Variants in PLCB1 observed in about 807,000 individuals in gnomAD.
PLCB1 encodes phospholipase C beta 1, also known as 1-phosphatidylinositol 4,5-bisphosphate phosphodiesterase beta-1.
Under a neutral mutation model 161.8 loss-of-function variants are expected in PLCB1, and 46 were observed. The ratio of observed to expected loss-of-function variants is 0.28; its 90% CI spans 0.22 to 0.36. PLCB1 has a LOEUF of 0.36. Among genes scored for constraint, PLCB1 ranks in the 10% least tolerant of loss-of-function variants. PLCB1 has a pLI of 1.00. For synonymous variants in PLCB1, 517 were observed against 503.7 expected, an observed-to-expected ratio of 1.03 and a Z score of -0.35; for missense variants, 1,016 against 1,472.5, an observed-to-expected ratio of 0.69 and a Z score of 5.07.
At position 8,884,579 on chromosome 20, in the gene PLCB1, C is replaced by T. The variant is rs1988107804; in HGVS notation, c.*2730C>T. On this transcript the variant is annotated 3_prime_UTR_variant, in exon 32 of 32. Coordinates refer to ENST00000338037, the MANE Select transcript of PLCB1 (RefSeq NM_015192.4). ...AATACTCCTGTAGTAGATAAGCTGT[C>T]ATTAAGTAATTCCCAAAAAAAGGGC... is the stretch of plus-strand genomic sequence containing the variant. 1 of 152,588 alleles carries T rather than the reference C, an allele frequency of 6.6e-6. No individual in the cohort carries two copies. The highest frequency in any genetic ancestry group is 6.5e-5 in the Admixed American group (1 of 15,270). The allele number at this position is 152,588 out of a possible 1,614,324, so 9.5% of individuals were successfully genotyped here.
At chr20:8,289,856 T>A (rs1359423141) in intron 2 of PLCB1, among the ~76,000 whole-genome samples, 1 of 152,192 alleles carries the variant, frequency 6.6e-6, no homozygotes, top group Non-Finnish European at 1.5e-5. Flanking sequence ...TGACAGTGTT[T>A]CCCAATGGCT....
intron 3 of PLCB1, among the ~76,000 whole-genome samples, chr20:8,501,585 GCATC>G (rs1385918367): frequency 3.3e-5 from 5 of 152,144 alleles, no homozygotes; most frequent in Admixed American, 2.6e-4. Context: ...ATGCTGAACA[GCATC>G]CCTGGTCCTT....
chr20:8,781,927 G>A (rs1483889848), intron 27 of PLCB1, among the ~76,000 whole-genome samples: 1 of 152,076 alleles, frequency 6.6e-6, no homozygotes, highest in Non-Finnish European at 1.5e-5. Context: ...GGGAATTATG[G>A]GAGCTACACG....
At chr20:8,518,853 T>C (rs1010719214) in intron 3 of PLCB1, among the ~76,000 whole-genome samples, 3 of 151,692 alleles carry the variant, frequency 2.0e-5, no homozygotes, top group African/African-American at 7.3e-5. Flanking sequence ...TGGTCCCATC[T>C]GGGGGTGATG....
intron 2 of PLCB1, among the ~76,000 whole-genome samples, chr20:8,349,623 G>A (rs1272090772): frequency 3.9e-5 from 6 of 152,184 alleles, no homozygotes; most frequent in Non-Finnish European, 7.4e-5. Context: ...ATTTTGTTTT[G>A]TTTTGGTTTT....
chr20:8,774,412 C>A (rs1982842939), intron 26 of PLCB1, 127 bp from the exon 27 acceptor site: 2 of 867,666 alleles, frequency 2.3e-6, no homozygotes, highest in Middle Eastern at 3.7e-4. Context: ...CCCTCTACCC[C>A]AAGTGGCTTA....
chr20:8,240,301 C>CAT (rs1399872374), intron 2 of PLCB1, among the ~76,000 whole-genome samples: 2 of 150,998 alleles, frequency 1.3e-5, no homozygotes, highest in Non-Finnish European at 3.0e-5. Context: ...CACACACACA[C>CAT]ACACGCACAC....
chr20:8,180,119 A>G (rs2123087322), intron 2 of PLCB1, among the ~76,000 whole-genome samples: 1 of 151,974 alleles, frequency 6.6e-6, no homozygotes, highest in East Asian at 1.9e-4. Flanking sequence ...CGGCCTCCCA[A>G]AGTGCTGGGA....
chr20:8,808,807 G>A (rs1452062687), intron 31 of PLCB1, among the ~76,000 whole-genome samples: 3 of 152,108 alleles, frequency 2.0e-5, no homozygotes, highest in Non-Finnish European at 4.4e-5. Flanking sequence ...TGGTGAGCTG[G>A]AGCTTACTAT....
At chr20:8,713,951 A>T (rs547515111) in intron 12 of PLCB1, among the ~76,000 whole-genome samples, 2 of 152,240 alleles carry the variant, frequency 1.3e-5, no homozygotes, top group South Asian at 2.1e-4. Context: ...AATTCCTCTA[A>T]TGGAAAGAAT....
intron 2 of PLCB1, among the ~76,000 whole-genome samples, chr20:8,217,879 C>T (rs537348152): frequency 3.3e-5 from 5 of 152,230 alleles, no homozygotes; most frequent in East Asian, 1.9e-4. Flanking sequence ...CCCAGTTTCA[C>T]TCTTTTGCCC....
rs57932108 is a variant in PLCB1 at position 8,637,705 on chromosome 20, G to A, written c.385-8397G>A. On this transcript the variant is annotated intron_variant, in intron 4 of 31. Coordinates refer to ENST00000338037, the MANE Select transcript of PLCB1 (RefSeq NM_015192.4). ...ATGTTCCCTTCGGAAAGCCATGTGG[G>A]TTATGGTGTTGGAACTGAAACAAAT... is the stretch of plus-strand genomic sequence containing the variant. Among the ~76,000 whole-genome samples, 1,323 of 152,264 alleles carry A rather than the reference G, an allele frequency of 8.7e-3. 24 individuals carry two copies. The highest frequency in any genetic ancestry group is 0.03 in the African/African-American group (1,265 of 41,538).
chr20:8,704,123 G>A (rs1177467442), intron 11 of PLCB1, among the ~76,000 whole-genome samples: 1 of 152,192 alleles, frequency 6.6e-6, no homozygotes, highest in Non-Finnish European at 1.5e-5. Flanking sequence ...GGAGGCTGAA[G>A]CAGGCAGATA....
chr20:8,881,935 A>G lies in PLCB1; in HGVS notation c.*86A>G, dbSNP rs1988012649. ...ATTACAAAGATCACTGCCCAGGACCATCTTCCCGAGAAGCATCCCTTAGCC... is the reference window on the plus strand; with the variant it reads ...ATTACAAAGATCACTGCCCAGGACCGTCTTCCCGAGAAGCATCCCTTAGCC... On this transcript the variant is annotated 3_prime_UTR_variant, in exon 32 of 32. Transcript: ENST00000338037. The G allele has an allele frequency of 4.5e-6, 4 of 881,178 alleles. No homozygotes were observed. In the South Asian group the frequency reaches 6.3e-5, roughly 14 times the overall value. 54.6% of individuals were successfully genotyped at this position (881,178 alleles called of 1,614,324 possible). A position where few individuals can be genotyped will look rare whatever the true frequency, so the allele number is the denominator to read the frequency against.
chr20:8,352,297 G>T (rs1986206037), intron 2 of PLCB1, among the ~76,000 whole-genome samples: 1 of 152,060 alleles, frequency 6.6e-6, no homozygotes, highest in Non-Finnish European at 1.5e-5. Flanking sequence ...CATAGAGAGG[G>T]TTTTCAGATT....
intron 3 of PLCB1, among the ~76,000 whole-genome samples, chr20:8,572,040 A>T (rs1317509951): frequency 6.6e-6 from 1 of 152,186 alleles, no homozygotes; most frequent in Admixed American, 6.5e-5. Flanking sequence ...AAAAAAAATT[A>T]AAATTGTTTA....
chr20:8,625,244 T>C (rs1296923426), intron 3 of PLCB1: 2 of 152,222 alleles, frequency 1.3e-5, no homozygotes, highest in African/African-American at 4.8e-5. Context: ...ATTTGCAGTT[T>C]GTCCGTCCAG....
chr20:8,577,437 CA>C (rs11289640), intron 3 of PLCB1, among the ~76,000 whole-genome samples: 45,347 of 94,176 alleles, frequency 0.48, 7,627 homozygotes, highest in African/African-American at 0.6. Context: ...GACCCTGTCT[CA>C]AAAAAAAAAA....
chr20:8,165,253 C>T (rs1258141859), intron 2 of PLCB1, among the ~76,000 whole-genome samples: 1 of 152,116 alleles, frequency 6.6e-6, no homozygotes, highest in Non-Finnish European at 1.5e-5. Context: ...AACCTAATAG[C>T]CTTAATGGTA....
Sources: allele counts gnomAD v4.1 joint callset (sites outside exome capture counted in the v4.1 genomes callset), GRCh38; gene constraint gnomAD v4.1.1; transcripts MANE v1.5; gene names NCBI Gene and HGNC (gene_info 2026-07-23, HGNC 2026-07-21).